Variants in FAM151B observed in about 807,000 individuals in gnomAD.
FAM151B encodes family with sequence similarity 151 member B, also known as protein FAM151B.
FAM151B carries 24 observed loss-of-function variants against 31.2 expected under a neutral mutation model. The ratio of observed to expected loss-of-function variants is 0.77; its 90% CI spans 0.56 to 1.08. The LOEUF (loss-of-function observed/expected upper bound fraction) is 1.08. Among genes scored for constraint, FAM151B ranks in the 50% least tolerant of loss-of-function variants. The probability of loss-of-function intolerance (pLI) is 0.00; values close to 1 mark genes in which losing one functional copy is unlikely to be tolerated. For synonymous variants in FAM151B, 105 were observed against 111.4 expected, an observed-to-expected ratio of 0.94 and a Z score of 0.36; for missense variants, 293 against 328.6, an observed-to-expected ratio of 0.89 and a Z score of 0.84.
At chr5:80,518,075 GAAAAAAAAAA>G (rs796173147) in intron 3 of FAM151B, among the ~76,000 whole-genome samples, 3 of 72,816 alleles carry the variant, frequency 4.1e-5, no homozygotes, top group Non-Finnish European at 8.4e-5. Context: ...CCATCTCAAA[GAAAAAAAAAA>G]AAAAAAAAAG....
At chr5:80,504,686 A>G (rs760662612) in intron 2 of FAM151B, among the ~76,000 whole-genome samples, 29 of 151,608 alleles carry the variant, frequency 1.9e-4, no homozygotes, top group Admixed American at 3.9e-4. Context: ...TGCCCAGCTA[A>G]TTTTTGTATT....
At chr5:80,527,377 C>T (rs1360112725) in intron 5 of FAM151B, among the ~76,000 whole-genome samples, 3 of 151,664 alleles carry the variant, frequency 2.0e-5, no homozygotes, top group African/African-American at 7.3e-5. Flanking sequence ...GAGCCGAGGT[C>T]ATGCCACTGC....
intron 2 of FAM151B, among the ~76,000 whole-genome samples, chr5:80,502,529 T>C (rs1743783923): frequency 6.6e-6 from 1 of 152,196 alleles, no homozygotes; most frequent in African/African-American, 2.4e-5. Context: ...ATCAAGTCTT[T>C]GGTTTACTGA....
At chr5:80,536,990 G>A (rs1234216326) in intron 5 of FAM151B, among the ~76,000 whole-genome samples, 1 of 152,108 alleles carries the variant, frequency 6.6e-6, no homozygotes, top group East Asian at 1.9e-4. Flanking sequence ...ATATGTGATA[G>A]CACAATGGGG....
At chr5:80,516,346 TA>T (rs1455944579) in intron 3 of FAM151B, among the ~76,000 whole-genome samples, 1 of 152,164 alleles carries the variant, frequency 6.6e-6, no homozygotes, top group Non-Finnish European at 1.5e-5. Context: ...ATTATATTTT[TA>T]AATTTTATCT....
intron 2 of FAM151B, among the ~76,000 whole-genome samples, chr5:80,508,604 C>T (rs775373630): frequency 1.3e-5 from 2 of 152,054 alleles, no homozygotes; most frequent in African/African-American, 2.4e-5. Flanking sequence ...TAGCCTGTTC[C>T]CTGCCTGTAG....
At chr5:80,536,744 C>A (rs1299917722) in intron 5 of FAM151B, among the ~76,000 whole-genome samples, 1 of 152,126 alleles carries the variant, frequency 6.6e-6, no homozygotes, top group Non-Finnish European at 1.5e-5. Context: ...CTGTCATTTG[C>A]AACGACATGG....
At chr5:80,521,156 G>T (rs115673935) in intron 4 of FAM151B, among the ~76,000 whole-genome samples, 1,482 of 126,260 alleles carry the variant, frequency 0.012, 27 homozygotes, top group African/African-American at 0.041. Context: ...AACAGGGTCT[G>T]GCTCTGTCAC....
intron 5 of FAM151B, among the ~76,000 whole-genome samples, chr5:80,540,373 G>A (rs32855): frequency 0.78 from 118,612 of 152,088 alleles, 46,458 homozygotes; most frequent in African/African-American, 0.83. Flanking sequence ...AGTTTACTTT[G>A]TAATAATCTG....
At chr5:80,501,285 G>A (rs754001307) in intron 1 of FAM151B, 1 of 604,874 alleles carries the variant, frequency 1.7e-6, no homozygotes, top group Non-Finnish European at 2.9e-6. Flanking sequence ...CTCCCAAAGT[G>A]CTGGGATTAC....
At chr5:80,509,525 T>A (rs1744105986) in intron 2 of FAM151B, among the ~76,000 whole-genome samples, 1 of 152,156 alleles carries the variant, frequency 6.6e-6, no homozygotes, top group African/African-American at 2.4e-5. Context: ...AATTACCCAG[T>A]CTGTGTTATT....
intron 2 of FAM151B, among the ~76,000 whole-genome samples, chr5:80,508,661 C>G (rs1202374341): frequency 6.6e-6 from 1 of 152,062 alleles, no homozygotes; most frequent in Non-Finnish European, 1.5e-5. Flanking sequence ...CTATCTCTGT[C>G]CTTTTGTGTC....
At chr5:80,497,414 CA>C (rs1187044492) in intron 1 of FAM151B, among the ~76,000 whole-genome samples, 799 of 58,328 alleles carry the variant, frequency 0.014, 10 homozygotes, top group African/African-American at 0.042. Context: ...GACTCCGGCT[CA>C]AAAAAAAAAA....
intron 2 of FAM151B, among the ~76,000 whole-genome samples, chr5:80,503,408 A>C (rs1678594843): frequency 2.6e-5 from 4 of 152,078 alleles, no homozygotes; most frequent in Admixed American, 2.6e-4. Flanking sequence ...GTCTCTACAA[A>C]AAATAGAAAA....
chr5:80,488,811 T>G (rs1359652381), intron 1 of FAM151B, among the ~76,000 whole-genome samples: 1 of 152,244 alleles, frequency 6.6e-6, no homozygotes, highest in Non-Finnish European at 1.5e-5. Flanking sequence ...ACAGGTTCTC[T>G]TCTGAATCGA....
intron 5 of FAM151B, chr5:80,522,413 A>G (rs1048509119): frequency 1.8e-5 from 5 of 272,324 alleles, no homozygotes; most frequent in African/African-American, 8.8e-5. Context: ...TTTTCATTAT[A>G]TATTCACAAA....
chr5:80,538,437 T>TTTC (rs1745652881), intron 5 of FAM151B, among the ~76,000 whole-genome samples: 1 of 56,016 alleles, frequency 1.8e-5, no homozygotes, highest in Non-Finnish European at 3.3e-5. Context: ...TCTTTCTTTC[T>TTTC]TTCTTTCTTT....
chr5:80,495,056 C>G (rs1007034088), intron 1 of FAM151B: 1 of 152,212 alleles, frequency 6.6e-6, no homozygotes, highest in East Asian at 1.9e-4. Flanking sequence ...GCTCTAGAAA[C>G]GTAACAACAA....
intron 1 of FAM151B, among the ~76,000 whole-genome samples, chr5:80,497,773 TCA>T (rs1743596860): frequency 8.0e-6 from 1 of 125,290 alleles, no homozygotes; most frequent in Non-Finnish European, 1.6e-5. Context: ...AAGGGGAACA[TCA>T]CACACCAGGG....
Sources: gnomAD v4.1 joint callset for allele counts (sites outside exome capture counted in the v4.1 genomes callset) on GRCh38, gnomAD v4.1.1 for gene constraint, MANE v1.5 for transcripts, NCBI Gene and HGNC (gene_info 2026-07-23, HGNC 2026-07-21) for gene names.